The following TUBGCP3 variants were observed in gnomAD, a reference collection of about 807,000 sequenced individuals.
The protein encoded by TUBGCP3 is tubulin gamma complex component 3.
Under a neutral mutation model 123.1 loss-of-function variants are expected in TUBGCP3, and 50 were observed. The ratio of observed to expected loss-of-function variants is 0.41; its 90% CI spans 0.32 to 0.51. The LOEUF is 0.51. TUBGCP3 is among the 20% of genes least tolerant of loss of function. TUBGCP3 has a pLI of 0.36. For missense variants in TUBGCP3, 882 were observed against 1,127.0 expected (o/e 0.78, Z 3.11); for synonymous variants, 405 against 413.9 (o/e 0.98, Z 0.26).
At chr13:112,526,400 TCAA>T (rs1247169307) in intron 13 of TUBGCP3, among the ~76,000 whole-genome samples, 1 of 145,000 alleles carries the variant, frequency 6.9e-6, no homozygotes, top group Admixed American at 6.9e-5. Context: ...ATCATCACCA[TCAA>T]CATCATCACC....
At chr13:112,513,327 T>C (rs993515196) in intron 17 of TUBGCP3, among the ~76,000 whole-genome samples, 2 of 152,344 alleles carry the variant, frequency 1.3e-5, no homozygotes, top group Non-Finnish European at 2.9e-5. Flanking sequence ...AAAAAGCTGC[T>C]ACCATCCAGG....
chr13:112,513,370 C>T (rs986397735), intron 17 of TUBGCP3, among the ~76,000 whole-genome samples: 2 of 152,212 alleles, frequency 1.3e-5, no homozygotes, highest in African/African-American at 4.8e-5. Context: ...GATCATCTTA[C>T]ATGAGGAATG....
rs58140098 is a variant in TUBGCP3, at chr13:112,537,127, CTTTT to C, written c.1335+8568_1335+8571del. ...CTATCTGGATGCTTTTACCTTTTTCCTTTTTTTTTTTTTTTTTTTTTAAAAAAAA... is the reference window on the plus strand; with the variant it reads ...CTATCTGGATGCTTTTACCTTTTTCCTTTTTTTTTTTTTTTTTAAAAAAAA... On this transcript the variant is annotated intron_variant, in intron 11 of 21. Coordinates refer to ENST00000261965, the MANE Select transcript of TUBGCP3 (RefSeq NM_006322.6). Among the ~76,000 whole-genome samples the C allele has an allele frequency of 5.6e-4, 44 of 78,128 alleles. 1 individual carries two copies. The highest frequency in any genetic ancestry group is 1.6e-3 in the Admixed American group (12 of 7,656). 51.3% of individuals were successfully genotyped at this position (78,128 alleles called of 152,430 possible).
intron 11 of TUBGCP3, among the ~76,000 whole-genome samples, chr13:112,530,899 C>T (rs1445582906): frequency 6.6e-6 from 1 of 152,118 alleles, no homozygotes; most frequent in African/African-American, 2.4e-5. Context: ...TCTGTATGTG[C>T]TTATGTGATC....
chr13:112,578,805 CTT>C (rs1882062848), intron 1 of TUBGCP3, among the ~76,000 whole-genome samples: 1 of 152,092 alleles, frequency 6.6e-6, no homozygotes, highest in African/African-American at 2.4e-5. Context: ...CTCAAACTGT[CTT>C]TTCTCATTCC....
intron 16 of TUBGCP3, among the ~76,000 whole-genome samples, chr13:112,517,488 CTG>C (rs1474823227): frequency 6.6e-6 from 1 of 152,180 alleles, no homozygotes; most frequent in Non-Finnish European, 1.5e-5. Context: ...CACTCAGACT[CTG>C]TGAAATAATC....
chr13:112,507,799 T>A (rs1393960167), intron 17 of TUBGCP3, among the ~76,000 whole-genome samples: 1 of 152,168 alleles, frequency 6.6e-6, no homozygotes, highest in East Asian at 1.9e-4. Context: ...AAACCAGGAA[T>A]TTTTTTCTCC....
chr13:112,503,980 A>C, intron 19 of TUBGCP3, 52 bp downstream of exon 19: 17 of 1,556,790 alleles, frequency 1.1e-5, no homozygotes, highest in Non-Finnish European at 1.5e-5. Flanking sequence ...GGAACCCAAG[A>C]AAAGAAGATG....
intron 21 of TUBGCP3, among the ~76,000 whole-genome samples, chr13:112,487,856 G>C (rs560769191): frequency 6.6e-6 from 1 of 152,278 alleles, no homozygotes; most frequent in Admixed American, 6.5e-5. Context: ...TGAGGGCCGG[G>C]CATGGTGGCT....
chr13:112,555,225 A>G (rs1198729832), intron 6 of TUBGCP3, among the ~76,000 whole-genome samples: 3 of 152,218 alleles, frequency 2.0e-5, no homozygotes, highest in Non-Finnish European at 4.4e-5. Context: ...ACAGCTGTCA[A>G]ACACGACATG....
chr13:112,595,240 A>C, the TUBGCP3 span, among the ~76,000 whole-genome samples: 2 of 151,204 alleles, frequency 1.3e-5, no homozygotes, highest in African/African-American at 4.9e-5. Context: ...TCTGTCACCC[A>C]GGCTGGAGTG....
intron 1 of TUBGCP3, chr13:112,583,897 A>G (rs1282350419): frequency 6.6e-6 from 1 of 152,390 alleles, no homozygotes; most frequent in Non-Finnish European, 1.5e-5. Flanking sequence ...AGAGTAACTT[A>G]TCACGCATTT....
Position 112,547,659 on chromosome 13 carries a change from G to A in TUBGCP3, c.1129C>T (p.Arg377Ter), listed in dbSNP as rs1419348642. 4 of 1,581,208 alleles carry A rather than the reference G, an allele frequency of 2.5e-6. No homozygotes were observed. Among genetic ancestry groups the A allele is most frequent in the African/African-American group, 1.4e-5 (1 of 73,792 alleles). Residue 377 changes from arginine to a stop codon, truncating the protein, a stop_gained, in exon 10 of 22, where the codon CGA becomes TGA. Coordinates refer to ENST00000261965, the MANE Select transcript of TUBGCP3 (RefSeq NM_006322.6). LOFTEE classifies it high-confidence loss of function. ...ACTAGGGCCGCAAGGGTCTTCAGTC[G>A]TATTTTGGGATCATAGGTCCAAACC... Reference protein sequence around the residue: ...LLVWTYDPKIRLKTLAALVDH... With the variant: ...LLVWTYDPKI
chr13:112,529,794 T>TG (rs1414568605), intron 11 of TUBGCP3, among the ~76,000 whole-genome samples: 1 of 152,244 alleles, frequency 6.6e-6, no homozygotes, highest in Non-Finnish European at 1.5e-5. Context: ...CTGTGATGCA[T>TG]GGCAGCTGAG....
chr13:112,497,276 A>C (rs1194081940), intron 20 of TUBGCP3, among the ~76,000 whole-genome samples: 1 of 152,238 alleles, frequency 6.6e-6, no homozygotes, highest in Non-Finnish European at 1.5e-5. Flanking sequence ...AATCGTGAGT[A>C]TATCCGACTT....
intron 3 of TUBGCP3, among the ~76,000 whole-genome samples, chr13:112,560,404 T>G: frequency 6.7e-6 from 1 of 148,394 alleles, no homozygotes. Context: ...CACTCCAGCC[T>G]GGGCGACAGA....
chr13:112,492,459 T>C (rs1880159966), intron 20 of TUBGCP3, among the ~76,000 whole-genome samples: 1 of 152,240 alleles, frequency 6.6e-6, no homozygotes, highest in Non-Finnish European at 1.5e-5. Flanking sequence ...AATATGCGCA[T>C]GTCACCCCCA....
the TUBGCP3 span, among the ~76,000 whole-genome samples, chr13:112,593,288 C>A: frequency 6.6e-6 from 1 of 152,046 alleles, no homozygotes; most frequent in Non-Finnish European, 1.5e-5. Context: ...CGTAGTTGTA[C>A]GCACCTGTAA....
Position 112,505,083 on chromosome 13 carries a change from A to C in TUBGCP3, c.2087-369T>G, listed in dbSNP as rs551745148. On this transcript the variant is annotated intron_variant, in intron 17 of 21. Coordinates refer to ENST00000261965, the MANE Select transcript of TUBGCP3 (RefSeq NM_006322.6). ...CAATTAGTTTGCCTGCTGTGCATGAAACATTTACTATTCCCTGGCTCTCTG... is the reference window on the plus strand; with the variant it reads ...CAATTAGTTTGCCTGCTGTGCATGACACATTTACTATTCCCTGGCTCTCTG... 4.6e-5 allele frequency among the ~76,000 whole-genome samples: 7 copies of C among 152,326 alleles called. No homozygotes were observed. The East Asian group carries it at 1.3e-3, about 29-fold the overall frequency.
Sources: allele counts gnomAD v4.1 joint callset (sites outside exome capture counted in the v4.1 genomes callset), GRCh38; gene constraint gnomAD v4.1.1; transcripts MANE v1.5; gene names NCBI Gene and HGNC (gene_info 2026-07-23, HGNC 2026-07-21).